Variants in NCL observed in about 807,000 individuals in gnomAD.
The protein encoded by NCL is nucleolin multifunctional protein.
In NCL, 4 loss-of-function variants were observed where a neutral mutation model predicts 77.7. The observed-to-expected ratio is 0.05, with a 90% CI of 0.03 to 0.12. The LOEUF (loss-of-function observed/expected upper bound fraction) is 0.12, where lower values mean the gene tolerates loss of function less well. Ranked by LOEUF, NCL falls within the 10% of genes least tolerant of loss-of-function variation. The pLI is 1.00. For synonymous variants in NCL, 344 were observed against 297.8 expected (o/e 1.16, Z -1.60); for missense variants, 763 against 860.9 (o/e 0.89, Z 1.42).
chr2:231,457,071 T>C lies in NCL; in HGVS notation c.1501A>G (p.Thr501Ala). 6.2e-7 allele frequency: 1 copy of C among 1,614,036 alleles called. No individual in the cohort carries two copies. The highest frequency in any genetic ancestry group is 8.5e-7 in the Non-Finnish European group (1 of 1,179,970). ...GCTTTCTCAAATACTTCCTGAAGAG[T>C]TTCTTCTGTTGCACTGTAGGAGAGG... is the stretch of plus-strand genomic sequence containing the variant. ...SNLSYSATEE[T>A]LQEVFEKATF... The change falls in exon 10 of 14, where the codon ACT becomes GCT. Residue 501 changes from threonine to alanine, a missense_variant. Thr to Ala is a moderately conservative substitution (Grantham distance 58, BLOSUM62 0). Transcript: ENST00000322723.
At chr2:231,464,043 G>T in intron 1 of NCL, 1 of 1,143,188 alleles carries the variant, frequency 8.7e-7, no homozygotes, top group East Asian at 3.8e-5. Flanking sequence ...GCTCGTACGC[G>T]TCGCAAAAGT....
At position 231,454,405 on chromosome 2, in the gene NCL, C is replaced by T. The variant is rs1032979511; in HGVS notation, c.*786G>A. 1 of 152,334 alleles carries T rather than the reference C, an allele frequency of 6.6e-6. No individual in the cohort carries two copies. Among genetic ancestry groups the T allele is most frequent in the Admixed American group, 6.5e-5 (1 of 15,278 alleles). The allele number at this position is 152,334 out of a possible 1,614,324, so 9.4% of individuals were successfully genotyped here. A position where few individuals can be genotyped will look rare whatever the true frequency, so the allele number is the denominator to read the frequency against. ...AGTTGATCTGCCTGCCTCGGCCTCC[C>T]CAAGTGTTGGGATTACAGGAGTTAG... On this transcript the variant is annotated 3_prime_UTR_variant, in exon 14 of 14. Coordinates refer to ENST00000322723, the MANE Select transcript of NCL (RefSeq NM_005381.3).
rs2046868633 is a variant in NCL, at chr2:231,454,878, A to C, written c.*313T>G. The C allele has an allele frequency of 4.1e-6, 1 of 243,612 alleles. No homozygotes were observed. Among genetic ancestry groups the C allele is most frequent in the Non-Finnish European group, 7.9e-6 (1 of 126,976 alleles). 15.1% of individuals were successfully genotyped at this position (243,612 alleles called of 1,614,324 possible). On this transcript the variant is annotated 3_prime_UTR_variant, in exon 14 of 14. Coordinates refer to ENST00000322723, the MANE Select transcript of NCL (RefSeq NM_005381.3). The stretch of plus-strand genomic sequence containing the variant: ...AAAAAAAACAAAAACAAAACAAAAA[A>C]AAGAAACAACAACAAAACCCAAACT...
intron 11 of NCL, 179 bp from the exon 12 acceptor site, chr2:231,456,315 A>G: frequency 1.1e-6 from 1 of 908,164 alleles, no homozygotes; most frequent in Non-Finnish European, 1.7e-6. Context: ...ACATTTTTTA[A>G]TTGCCATTGC....
In NCL at chr2:231,461,590, T is replaced by A. The variant is rs760814405; in HGVS notation, c.563A>T (p.Asp188Val). ...AAAAPASEDEDDEDDEDDEDD... is the reference protein window; with the variant it reads ...AAAAPASEDEVDEDDEDDEDD... The stretch of plus-strand genomic sequence containing the variant: ...CTCATCATCTTCGTCATCCTCATCG[T>A]CCTCATCCTCTGAGGCAGGGGCAGC... Residue 188 changes from aspartate (D) to valine (V), a missense_variant, in exon 3 of 14, where the codon GAC (aspartate) becomes GTC (valine). Physicochemically the swap from Asp to Val is radical, Grantham distance 152. Coordinates refer to ENST00000322723, the MANE Select transcript of NCL (RefSeq NM_005381.3). 6 of 1,611,092 alleles carry A rather than the reference T, an allele frequency of 3.7e-6. No individual in the cohort carries two copies. The highest frequency in any genetic ancestry group is 5.1e-6 in the Non-Finnish European group (6 of 1,177,326).
rs1328061451 is a variant in NCL, at chr2:231,460,265, G to C, written c.927C>G (p.Leu309=). The C allele has an allele frequency of 1.2e-6, 2 of 1,614,022 alleles. No individual in the cohort carries two copies. The highest frequency in any genetic ancestry group is 1.3e-5 in the African/African-American group (1 of 74,924). Residue 309 remains leucine, a synonymous_variant, in exon 6 of 14, where the codon CTC becomes CTG. Coordinates refer to ENST00000322723, the MANE Select transcript of NCL (RefSeq NM_005381.3). ...TGTTAAAGTTTAGGTTTCCAACAAA[G>C]AGATTGAAAGCCGTAGTCGGTTCTG... ...EGTEPTTAFN[L]FVGNLNFNKS...
Position 231,456,663 on chromosome 2 carries a change from T to C in NCL, c.1673A>G (p.Gln558Arg). The C allele has an allele frequency of 6.2e-7, 1 of 1,614,160 alleles. No individual in the cohort carries two copies. The highest frequency in any genetic ancestry group is 1.1e-5 in the South Asian group (1 of 91,072). Residue 558 changes from glutamine to arginine, a missense_variant, in exon 11 of 14, where the codon CAA becomes CGA. Gln to Arg is a conservative substitution (Grantham distance 43, BLOSUM62 1). Transcript: ENST00000322723. ...IEGRAIRLEL[Q>R]GPRGSPNARS... is the part of the protein sequence containing the mutation. Reference sequence around the variant, plus strand: ...GGCATTAGGTGATCCCCTGGGTCCTTGCAACTCCAGCCTGATTGCTCTGCC... The same window carrying C: ...GGCATTAGGTGATCCCCTGGGTCCTCGCAACTCCAGCCTGATTGCTCTGCC...
rs2046867239 is a variant in NCL at position 231,454,845 on chromosome 2, G to GC, written c.*345dup. On this transcript the variant is annotated 3_prime_UTR_variant, in exon 14 of 14. Coordinates refer to ENST00000322723, the MANE Select transcript of NCL (RefSeq NM_005381.3). ...TCTTTTCTTTTACAACCCCACGAAC[G>GC]CAAAAAAAAAAAAAACAAAAACAAA... The GC allele has an allele frequency of 8.3e-6, 1 of 120,510 alleles. No individual in the cohort carries two copies. Among genetic ancestry groups the GC allele is most frequent in the Non-Finnish European group, 1.5e-5 (1 of 66,182 alleles). The allele number at this position is 120,510 out of a possible 1,614,324, so 7.5% of individuals were successfully genotyped here.
intron 6 of NCL, 49 bp from the exon 7 acceptor site, chr2:231,459,174 C>A: frequency 6.7e-7 from 1 of 1,492,674 alleles, no homozygotes; most frequent in South Asian, 1.4e-5. Flanking sequence ...AAACACAAAT[C>A]AAAATCCACA....
rs2046867008 is a variant in NCL, at chr2:231,454,838, C to CAAAA, written c.*352_*353insTTTT. 1 of 174,196 alleles carries CAAAA rather than the reference C, an allele frequency of 5.7e-6. No homozygotes were observed. The highest frequency in any genetic ancestry group is 6.0e-5 in the Admixed American group (1 of 16,758). The allele number at this position is 174,196 out of a possible 1,614,324, so 10.8% of individuals were successfully genotyped here. A position where few individuals can be genotyped will look rare whatever the true frequency, so the allele number is the denominator to read the frequency against. On this transcript the variant is annotated 3_prime_UTR_variant, in exon 14 of 14. Coordinates refer to ENST00000322723, the MANE Select transcript of NCL (RefSeq NM_005381.3). ...TCTGCTTTCTTTTCTTTTACAACCC[C>CAAAA]ACGAACGCAAAAAAAAAAAAAACAA...
chr2:231,463,154 AT>A, intron 2 of NCL, 45 bp downstream of exon 2: 6 of 1,376,052 alleles, frequency 4.4e-6, no homozygotes, highest in Non-Finnish European at 6.1e-6. Flanking sequence ...TTAACTCTCC[AT>A]TTTGTAGTTT....
At chr2:231,458,108 A>C (rs1223936959) in intron 8 of NCL, among the ~76,000 whole-genome samples, 158 bp downstream of exon 8, 1 of 152,178 alleles carries the variant, frequency 6.6e-6, no homozygotes, top group Non-Finnish European at 1.5e-5. Context: ...CTATGAGTAC[A>C]TTATCCCCAT....
chr2:231,456,557 G>C, intron 11 of NCL, 74 bp downstream of exon 11: 1 of 1,599,556 alleles, frequency 6.3e-7, no homozygotes, highest in Non-Finnish European at 8.6e-7. Flanking sequence ...AGGAAACACA[G>C]AATTTGTGCA....
Position 231,463,511 on chromosome 2 carries a change from TC to T in NCL, c.19-196del, listed in dbSNP as rs1440236019. 3 of 571,288 alleles carry T rather than the reference TC, an allele frequency of 5.3e-6. No homozygotes were observed. In the African/African-American group the frequency reaches 5.8e-5, roughly 11 times the overall value. 35.4% of individuals were successfully genotyped at this position (571,288 alleles called of 1,614,324 possible). On this transcript the variant is annotated intron_variant, in intron 1 of 13. Coordinates refer to ENST00000322723, the MANE Select transcript of NCL (RefSeq NM_005381.3). ...TACTCTCAACCGCCCACATTTTTCC[TC>T]CCAGGCTTTACCAACAGAAAACCTG...
intron 1 of NCL, chr2:231,463,630 T>C (rs146858289): frequency 6.2e-6 from 2 of 323,654 alleles, no homozygotes; most frequent in South Asian, 7.4e-5. Flanking sequence ...ATCCCGGTAC[T>C]TTATTCTACC....
intron 2 of NCL, 68 bp downstream of exon 2, chr2:231,463,132 C>G: frequency 8.4e-7 from 1 of 1,188,276 alleles, no homozygotes; most frequent in Non-Finnish European, 1.2e-6. Flanking sequence ...CACAGATATC[C>G]AATTTCATGT....
Position 231,463,236 on chromosome 2 carries a change from C to T in NCL, c.99G>A (p.Met33Ile), listed in dbSNP as rs868493092. The change falls in exon 2 of 14, where the codon ATG (methionine) becomes ATA (isoleucine). Residue 33 changes from methionine (M) to isoleucine (I), a missense_variant. By Grantham distance (10) the Met-to-Ile change is conservative. Around this residue, in one of 2 missense-constraint regions of NCL, gnomAD observed 590 missense variants for 570.5 expected, o/e 1.03. Coordinates refer to ENST00000322723, the MANE Select transcript of NCL (RefSeq NM_005381.3). Reference sequence around the variant, plus strand: ...TGCTATCATCTTCTTCATCTTCTGACATTTCCTCATCTTCACTATCTTCTT... The same window carrying T: ...TGCTATCATCTTCTTCATCTTCTGATATTTCCTCATCTTCACTATCTTCTT... ...EVEEDSEDEE[M>I]SEDEEDDSSG... 15 of 1,611,868 alleles carry T rather than the reference C, an allele frequency of 9.3e-6. No individual in the cohort carries two copies. The highest frequency in any genetic ancestry group is 1.7e-4 in the Middle Eastern group (1 of 6,058).
chr2:231,458,438 T>TG (rs774649999), intron 7 of NCL, 49 bp from the exon 8 acceptor site: 1 of 1,595,080 alleles, frequency 6.3e-7, no homozygotes, highest in Non-Finnish European at 8.5e-7. Flanking sequence ...AAACCAAAGG[T>TG]GGGGGGCAAC....
chr2:231,455,488 C>G lies in NCL; in HGVS notation c.1969G>C (p.Gly657Arg). ...PKGEGGFGGR[G>R]GGRGGFGGRG... ...CCTCCAAAGCCGCCTCTGCCTCCAC[C>G]ACGACCCCCGAAGCCACCTTCACCC... Residue 657 changes from glycine (G) to arginine (R), a missense_variant, in exon 13 of 14, where the codon GGT becomes CGT. Coordinates refer to ENST00000322723, the MANE Select transcript of NCL (RefSeq NM_005381.3). The G allele has an allele frequency of 6.2e-7, 1 of 1,614,198 alleles. No individual in the cohort carries two copies. Among genetic ancestry groups the G allele is most frequent in the Non-Finnish European group, 8.5e-7 (1 of 1,180,024 alleles).
Sources: gnomAD v4.1 joint callset for allele counts (sites outside exome capture counted in the v4.1 genomes callset) on GRCh38, gnomAD v4.1.1 for gene constraint, gnomAD v4.1.1 regional missense constraint, MANE v1.5 for transcripts, NCBI Gene and HGNC (gene_info 2026-07-23, HGNC 2026-07-21) for gene names.